Variants in SLC5A4 observed in about 807,000 individuals in gnomAD.
The protein encoded by SLC5A4 is probable glucose sensor protein SLC5A4.
A neutral mutation model predicts 70.3 loss-of-function variants in SLC5A4; 55 were observed. That is an observed-to-expected ratio of 0.78 (90% CI 0.63 to 0.98). The LOEUF (loss-of-function observed/expected upper bound fraction) is 0.98. SLC5A4 is among the 50% of genes least tolerant of loss of function. The probability of loss-of-function intolerance (pLI) is 0.00; values close to 1 mark genes in which losing one functional copy is unlikely to be tolerated. For missense variants in SLC5A4, 735 were observed against 839.2 expected (o/e 0.88, Z 1.53); for synonymous variants, 268 against 305.7 (o/e 0.88, Z 1.29).
At chr22:32,274,206 AT>A in the SLC5A4 span, among the ~76,000 whole-genome samples, 1 of 151,598 alleles carries the variant, frequency 6.6e-6, no homozygotes, top group Non-Finnish European at 1.5e-5. Context: ...AGCCTGGCTA[AT>A]TTTTTTTGTA....
At chr22:32,352,714 C>T in the SLC5A4 span, among the ~76,000 whole-genome samples, 1 of 152,232 alleles carries the variant, frequency 6.6e-6, no homozygotes, top group East Asian at 1.9e-4. Context: ...GCTGCCACAA[C>T]TAGCACCGAT....
chr22:32,261,934 T>C, the SLC5A4 span, among the ~76,000 whole-genome samples: 1 of 152,224 alleles, frequency 6.6e-6, no homozygotes, highest in Non-Finnish European at 1.5e-5. Flanking sequence ...TGTTTGTCTT[T>C]CTGTGACTAG....
the SLC5A4 span, among the ~76,000 whole-genome samples, chr22:32,320,142 A>G: frequency 6.6e-6 from 1 of 152,210 alleles, no homozygotes; most frequent in Non-Finnish European, 1.5e-5. Context: ...TAAAGCCATA[A>G]TGAGAGAGGA....
At chr22:32,340,406 T>C in the SLC5A4 span, among the ~76,000 whole-genome samples, 1 of 152,198 alleles carries the variant, frequency 6.6e-6, no homozygotes, top group African/African-American at 2.4e-5. Context: ...CTGTTCTATA[T>C]GCTGGGGTCA....
At chr22:32,349,120 G>A in the SLC5A4 span, among the ~76,000 whole-genome samples, 1 of 152,046 alleles carries the variant, frequency 6.6e-6, no homozygotes, top group Non-Finnish European at 1.5e-5. Flanking sequence ...GATTACAGGC[G>A]TGTGTTACCA....
chr22:32,291,671 A>T, the SLC5A4 span, among the ~76,000 whole-genome samples: 1 of 152,040 alleles, frequency 6.6e-6, no homozygotes, highest in Admixed American at 6.6e-5. Context: ...TTTTCTTTTA[A>T]GCACTTATTT....
chr22:32,272,223 A>G, the SLC5A4 span: 12 of 774,132 alleles, frequency 1.6e-5, no homozygotes, highest in South Asian at 1.4e-4. Context: ...GATCTTGATC[A>G]TGGATGTGAC....
the SLC5A4 span, among the ~76,000 whole-genome samples, chr22:32,263,072 A>AT: frequency 8.2e-5 from 12 of 146,478 alleles, no homozygotes; most frequent in South Asian, 4.4e-4. Context: ...CCGGCCCTAC[A>AT]TTTTTTTTTT....
chr22:32,235,018 T>A lies in SLC5A4; in HGVS notation c.740A>T (p.Asp247Val). ...VNATPSVVEGDNLTISASCYT... is the reference protein window; with the variant it reads ...VNATPSVVEGVNLTISASCYT... ...GCAACTGGCACTGATTGTCAAGTTGTCCCCCTCGACTACGGATGGGGTGGC... is the reference window on the plus strand; with the variant it reads ...GCAACTGGCACTGATTGTCAAGTTGACCCCCTCGACTACGGATGGGGTGGC... Residue 247 changes from aspartate to valine, a missense_variant, in exon 8 of 15, where the codon GAC (aspartate) becomes GTC (valine). Physicochemically the swap from Asp to Val is radical, Grantham distance 152. Coordinates refer to ENST00000266086, the MANE Select transcript of SLC5A4 (RefSeq NM_014227.3). 6.2e-7 allele frequency: 1 copy of A among 1,613,458 alleles called. No homozygotes were observed. The highest frequency in any genetic ancestry group is 8.5e-7 in the Non-Finnish European group (1 of 1,179,812).
the SLC5A4 span, among the ~76,000 whole-genome samples, chr22:32,333,806 C>T: frequency 6.6e-6 from 1 of 150,726 alleles, no homozygotes; most frequent in African/African-American, 2.4e-5. Context: ...CACAGATCCA[C>T]ACAATATCAC....
chr22:32,293,390 T>G, the SLC5A4 span, among the ~76,000 whole-genome samples: 1 of 152,156 alleles, frequency 6.6e-6, no homozygotes, highest in Non-Finnish European at 1.5e-5. Context: ...TTCTTTTGGA[T>G]AAGTGCATTT....
At chr22:32,307,477 G>A in the SLC5A4 span, among the ~76,000 whole-genome samples, 1 of 152,202 alleles carries the variant, frequency 6.6e-6, no homozygotes, top group Admixed American at 6.5e-5. Flanking sequence ...ATGGTTCCCA[G>A]AAGGGCCCTG....
chr22:32,248,635 A>G (rs1926969634), intron 4 of SLC5A4, 108 bp downstream of exon 4: 2 of 826,070 alleles, frequency 2.4e-6, no homozygotes, highest in African/African-American at 3.3e-5. Flanking sequence ...TGGCACCTAA[A>G]TAAAGCCTTT....
chr22:32,331,586 C>A, the SLC5A4 span, among the ~76,000 whole-genome samples: 3 of 152,136 alleles, frequency 2.0e-5, no homozygotes, highest in African/African-American at 7.2e-5. Context: ...AAAAGGCAAG[C>A]GGTGGGGTGG....
the SLC5A4 span, among the ~76,000 whole-genome samples, chr22:32,307,413 T>C: frequency 6.6e-6 from 1 of 152,110 alleles, no homozygotes; most frequent in African/African-American, 2.4e-5. Flanking sequence ...TGAATCTGAG[T>C]GTGTCCGTTA....
the SLC5A4 span, among the ~76,000 whole-genome samples, chr22:32,351,139 T>C: frequency 6.6e-6 from 1 of 152,106 alleles, no homozygotes; most frequent in Admixed American, 6.6e-5. Flanking sequence ...GGCAGAGAAA[T>C]AAAATGAAGG....
the SLC5A4 span, among the ~76,000 whole-genome samples, chr22:32,298,955 TTTTC>T: frequency 1.7e-5 from 2 of 119,192 alleles, no homozygotes; most frequent in Non-Finnish European, 3.5e-5. Flanking sequence ...TTGAAAATTC[TTTTC>T]TTTAAGAATG....
the SLC5A4 span, among the ~76,000 whole-genome samples, chr22:32,305,423 G>A: frequency 4.7e-5 from 7 of 149,080 alleles, 1 homozygote; most frequent in South Asian, 6.4e-4. Context: ...TTAACAAATT[G>A]TTGGCAGAAA....
chr22:32,252,875 C>T (rs997513685), intron 2 of SLC5A4, among the ~76,000 whole-genome samples: 14 of 152,140 alleles, frequency 9.2e-5, no homozygotes, highest in African/African-American at 3.4e-4. Flanking sequence ...CTTGAGTGGA[C>T]GTAGATGAGC....
Sources: allele counts gnomAD v4.1 joint callset (sites outside exome capture counted in the v4.1 genomes callset), GRCh38; gene constraint gnomAD v4.1.1; transcripts MANE v1.5; gene names NCBI Gene and HGNC (gene_info 2026-07-23, HGNC 2026-07-21).